The following TBX2 variants were observed in gnomAD, a reference collection of about 807,000 sequenced individuals.
TBX2 encodes T-box transcription factor TBX2.
TBX2 carries 19 observed loss-of-function variants against 48.4 expected under a neutral mutation model. The ratio of observed to expected loss-of-function variants is 0.39; its 90% CI spans 0.27 to 0.58. The LOEUF (loss-of-function observed/expected upper bound fraction) is 0.58, where lower values mean the gene tolerates loss of function less well. TBX2 is among the 20% of genes least tolerant of loss of function. TBX2 has a pLI of 0.54. For synonymous variants in TBX2, 522 were observed against 459.7 expected (o/e 1.14, Z -1.73); for missense variants, 994 against 1,006.5 (o/e 0.99, Z 0.17).
Position 61,404,684 on chromosome 17 carries a change from C to T in TBX2, c.966C>T (p.Ala322=), listed in dbSNP as rs1021770653. ...KPERDGAESD[A]SSCDPPPARE... ...AGCGCGATGGCGCGGAGTCAGACGC[C>T]TCGTCGTGCGACCCTCCCCCCGCGC... The change falls in exon 5 of 7, where the codon GCC becomes GCT. Residue 322 remains alanine (A), a synonymous_variant. Coordinates refer to ENST00000240328, the MANE Select transcript of TBX2 (RefSeq NM_005994.4). 4 of 1,582,866 alleles carry T rather than the reference C, an allele frequency of 2.5e-6. No homozygotes were observed. The South Asian group carries it at 3.4e-5, about 14-fold the overall frequency.
At position 61,409,267 on chromosome 17, in the gene TBX2, G is replaced by A. The variant is rs903005704; in HGVS notation, c.*761G>A. ...CATCTATATTGTACAGGGCTGGGGG[G>A]GCCCTTGGCTGCGGGAGAAGGCCCA... On this transcript the variant is annotated 3_prime_UTR_variant, in exon 7 of 7. Coordinates refer to ENST00000240328, the MANE Select transcript of TBX2 (RefSeq NM_005994.4). 2 of 152,368 alleles carry A rather than the reference G, an allele frequency of 1.3e-5. No homozygotes were observed. The highest frequency in any genetic ancestry group is 2.9e-5 in the Non-Finnish European group (2 of 68,002). 9.4% of individuals were successfully genotyped at this position (152,368 alleles called of 1,614,324 possible).
rs139006612 is a variant in TBX2 at position 61,408,188 on chromosome 17, C to T, written c.1821C>T (p.Ser607=). The change falls in exon 7 of 7, where the codon TCC becomes TCT. Residue 607 remains serine (S), a synonymous_variant. Transcript: ENST00000240328. ...CCGCCGCAGCCGCCGGCTCCCTCTC[C>T]CGGAGCCCCTTCCTGGGCAGTGCCC... ...AAAAAAAGSL[S]RSPFLGSARP... is the part of the protein sequence containing the mutation. The T allele has an allele frequency of 1.9e-6, 3 of 1,612,746 alleles. No individual in the cohort carries two copies. The African/African-American group carries it at 4.0e-5, about 22-fold the overall frequency.
At chr17:61,404,385 C>A in intron 3 of TBX2, 36 bp from the exon 4 acceptor site, 1 of 1,572,322 alleles carries the variant, frequency 6.4e-7, no homozygotes, top group South Asian at 1.2e-5. Context: ...GGAAGAGCCA[C>A]GGCCTGACTT....
In TBX2 at chr17:61,404,801, G is replaced by T. The variant is rs778451863; in HGVS notation, c.1051+32G>T. 6.0e-6 allele frequency: 9 copies of T among 1,488,010 alleles called. No individual in the cohort carries two copies. In the South Asian group the frequency reaches 7.2e-5, roughly 12 times the overall value. The allele number at this position is 1,488,010 out of a possible 1,614,324, so 92.2% of individuals were successfully genotyped here. A position where few individuals can be genotyped will look rare whatever the true frequency, so the allele number is the denominator to read the frequency against. On this transcript the variant is annotated intron_variant, in intron 5 of 6. Coordinates refer to ENST00000240328, the MANE Select transcript of TBX2 (RefSeq NM_005994.4). ...GTCGGACCGGAGGAGGGACAGGGAG[G>T]TGGCGGCGGGGGGTCCTCAGGTCGC... is the stretch of plus-strand genomic sequence containing the variant.
rs1269330478 is a variant in TBX2 at position 61,401,789 on chromosome 17, C to T, written c.501C>T (p.Phe167=). Residue 167 remains phenylalanine (F), a synonymous_variant, in exon 2 of 7, where the codon TTC becomes TTT. Coordinates refer to ENST00000240328, the MANE Select transcript of TBX2 (RefSeq NM_005994.4). Reference sequence around the variant, plus strand: ...CCGCTGACGATTGCCGCTATAAGTTCCACAACTCGCGCTGGATGGTGGCGG... The same window carrying T: ...CCGCTGACGATTGCCGCTATAAGTTTCACAACTCGCGCTGGATGGTGGCGG... ...IVAADDCRYK[F]HNSRWMVAGK... 58 of 1,613,170 alleles carry T rather than the reference C, an allele frequency of 3.6e-5. No individual in the cohort carries two copies. The highest frequency in any genetic ancestry group is 4.7e-5 in the Non-Finnish European group (56 of 1,180,022).
At chr17:61,401,651 C>A in intron 1 of TBX2, 33 bp from the exon 2 acceptor site, 1 of 1,594,320 alleles carries the variant, frequency 6.3e-7, no homozygotes, top group Non-Finnish European at 8.6e-7. Flanking sequence ...ACAGCCGGTT[C>A]CAATGGGATC....
At chr17:61,407,905 A>G in intron 6 of TBX2, 149 bp from the exon 7 acceptor site, 1 of 1,029,726 alleles carries the variant, frequency 9.7e-7, no homozygotes, top group Non-Finnish European at 1.4e-6. Flanking sequence ...GCTCATGCTT[A>G]CCTGTGCTGC....
chr17:61,400,462 G>A lies in TBX2; in HGVS notation c.286G>A (p.Glu96Lys). 1 of 1,598,830 alleles carries A rather than the reference G, an allele frequency of 6.3e-7. No individual in the cohort carries two copies. The highest frequency in any genetic ancestry group is 2.2e-5 in the East Asian group (1 of 44,462). ...AAHLRSLKSL[E>K]PEDEVEDDPK... ...GCATCTGCGCTCCCTCAAGAGCCTGGAGCCCGAGGACGAGGTGGAGGACGA... is the reference window on the plus strand; with the variant it reads ...GCATCTGCGCTCCCTCAAGAGCCTGAAGCCCGAGGACGAGGTGGAGGACGA... The change falls in exon 1 of 7, where the codon GAG (glutamate) becomes AAG (lysine). Residue 96 changes from glutamate (E) to lysine (K), a missense_variant. Physicochemically the swap from Glu to Lys is moderately conservative, Grantham distance 56. Transcript: ENST00000240328. This position sits in a 1 kb window ranked among gnomAD's most constrained non-coding sequence, Gnocchi z 9.2.
Position 61,405,426 on chromosome 17 carries a change from C to A in TBX2, c.1276C>A (p.Arg426Ser), listed in dbSNP as rs1401962009. 9 of 1,553,186 alleles carry A rather than the reference C, an allele frequency of 5.8e-6. No homozygotes were observed. The Admixed American group carries it at 1.4e-4, about 23-fold the overall frequency. The change falls in exon 6 of 7, where the codon CGC (arginine) becomes AGC (serine). Residue 426 changes from arginine (R) to serine (S), a missense_variant. This residue lies in a region of TBX2 where 639 missense variants were observed against 613.2 expected (regional missense o/e 1.04). Coordinates refer to ENST00000240328, the MANE Select transcript of TBX2 (RefSeq NM_005994.4). ...PFGLRSLEKE[R>S]AEARRKDEGR... ...CGGCCTGAGGAGCCTGGAGAAGGAG[C>A]GCGCCGAAGCTCGGAGGAAGGACGA...
In TBX2 at chr17:61,400,545, G is replaced by T; in HGVS notation, c.369G>T (p.Thr123=). 6.4e-7 allele frequency: 1 copy of T among 1,574,468 alleles called. No homozygotes were observed. The highest frequency in any genetic ancestry group is 2.3e-5 in the East Asian group (1 of 43,302). ...GGGACCAGTTCCACAAGCTAGGCAC[G>T]GAGATGGTCATCACCAAGTCCGGGA... ...ELWDQFHKLG[T]EMVITKSGRR... The change falls in exon 1 of 7, where the codon ACG becomes ACT. Residue 123 remains threonine, a synonymous_variant. Transcript: ENST00000240328. This position sits in a 1 kb window ranked among gnomAD's most constrained non-coding sequence, Gnocchi z 9.2.
chr17:61,405,206 G>A lies in TBX2; in HGVS notation c.1056G>A (p.Glu352=), dbSNP rs373257450. The change falls in exon 6 of 7, where the codon GAG becomes GAA. Residue 352 remains glutamate, a synonymous_variant. Coordinates refer to ENST00000240328, the MANE Select transcript of TBX2 (RefSeq NM_005994.4). ...SPLRLHRARA[E]EKSCAADSDP... is the part of the protein sequence containing the mutation. ...CCGCGCGCCCTCTCCCCGCAGCTGA[G>A]GAGAAGTCGTGCGCCGCGGACAGCG... 248 of 1,533,534 alleles carry A rather than the reference G, an allele frequency of 1.6e-4. 1 individual carries two copies. The African/African-American group carries it at 3.1e-3, about 19-fold the overall frequency. The allele number at this position is 1,533,534 out of a possible 1,614,324, so 95.0% of individuals were successfully genotyped here.
At chr17:61,407,901 G>A in intron 6 of TBX2, 153 bp from the exon 7 acceptor site, 2 of 996,988 alleles carry the variant, frequency 2.0e-6, no homozygotes, top group Non-Finnish European at 2.9e-6. Context: ...ACTGGCTCAT[G>A]CTTACCTGTG....
At position 61,400,425 on chromosome 17, in the gene TBX2, C is replaced by G; in HGVS notation, c.249C>G (p.His83Gln). The stretch of plus-strand genomic sequence containing the variant: ...TGCACGTCTCGGCACTGGGCCCGCA[C>G]CCGCCCGCCGCGCATCTGCGCTCCC... ...AGLHVSALGP[H>Q]PPAAHLRSLK... Residue 83 changes from histidine to glutamine, a missense_variant, in exon 1 of 7, where the codon CAC becomes CAG. Physicochemically the swap from His to Gln is conservative, Grantham distance 24. Transcript: ENST00000240328. The surrounding 1 kb of genome is among the most constrained non-coding windows in gnomAD (Gnocchi z 9.2). 3 of 1,556,694 alleles carry G rather than the reference C, an allele frequency of 1.9e-6. No homozygotes were observed. The highest frequency in any genetic ancestry group is 2.6e-6 in the Non-Finnish European group (3 of 1,153,462).
At position 61,400,893 on chromosome 17, in the gene TBX2, C is replaced by G. The variant is rs896408518; in HGVS notation, c.395+322C>G. On this transcript the variant is annotated intron_variant, in intron 1 of 6. Transcript: ENST00000240328. This position sits in a 1 kb window ranked among gnomAD's most constrained non-coding sequence, Gnocchi z 9.2. ...TTGGCCCTGGCGGTCTCCTCCGCCC[C>G]GCGCTCTCGCTCTTCTGCGTCCGGG... Among the ~76,000 whole-genome samples the G allele has an allele frequency of 2.0e-5, 3 of 152,238 alleles. No homozygotes were observed. Among genetic ancestry groups the G allele is most frequent in the South Asian group, 2.1e-4 (1 of 4,836 alleles).
At chr17:61,402,360 G>A (rs1245926120) in intron 2 of TBX2, among the ~76,000 whole-genome samples, 1 of 152,156 alleles carries the variant, frequency 6.6e-6, no homozygotes, top group East Asian at 1.9e-4. Context: ...GCCAAGACCC[G>A]CGTCCCTGGC....
rs759795868 is a variant in TBX2 at position 61,400,611 on chromosome 17, G to A, written c.395+40G>A. Reference sequence around the variant, plus strand: ...CGGCTGGAAGGCGCGCGGGCGGGCGGGCGGGCTGGGGCACGGGACTGCACG... The same window carrying A: ...CGGCTGGAAGGCGCGCGGGCGGGCGAGCGGGCTGGGGCACGGGACTGCACG... On this transcript the variant is annotated intron_variant, in intron 1 of 6. Coordinates refer to ENST00000240328, the MANE Select transcript of TBX2 (RefSeq NM_005994.4). This position sits in a 1 kb window ranked among gnomAD's most constrained non-coding sequence, Gnocchi z 9.2. 20 of 1,520,698 alleles carry A rather than the reference G, an allele frequency of 1.3e-5. 1 individual carries two copies. In the South Asian group the frequency reaches 2.3e-4, roughly 17 times the overall value. 94.2% of individuals were successfully genotyped at this position (1,520,698 alleles called of 1,614,324 possible).
At position 61,403,829 on chromosome 17, in the gene TBX2, C is replaced by T. The variant is rs555298158; in HGVS notation, c.811-592C>T. 5.0e-4 allele frequency among the ~76,000 whole-genome samples: 76 copies of T among 152,150 alleles called. No individual in the cohort carries two copies. The highest frequency in any genetic ancestry group is 1.8e-3 in the African/African-American group (73 of 41,516). ...ACCCCTCTAGGCCTGTGCCCTTGTG[C>T]GCCACTGTCGAGTGAAAGAGAGGGT... On this transcript the variant is annotated intron_variant, in intron 3 of 6. Coordinates refer to ENST00000240328, the MANE Select transcript of TBX2 (RefSeq NM_005994.4). This position sits in a 1 kb window ranked among gnomAD's most constrained non-coding sequence, Gnocchi z 5.8.
chr17:61,408,149 T>C lies in TBX2; in HGVS notation c.1782T>C (p.Ser594=), dbSNP rs778544171. The C allele has an allele frequency of 7.4e-6, 12 of 1,611,604 alleles. No individual in the cohort carries two copies. In the South Asian group the frequency reaches 1.3e-4, roughly 18 times the overall value. Residue 594 remains serine (S), a synonymous_variant, in exon 7 of 7, where the codon AGT becomes AGC. Coordinates refer to ENST00000240328, the MANE Select transcript of TBX2 (RefSeq NM_005994.4). ...AAAASALPAT[S]AAAAAAAAAG... is the part of the protein sequence containing the mutation. ...CCGCCTCGGCTTTGCCCGCCACTAG[T>C]GCTGCAGCTGCCGCCGCCGCAGCCG...
In TBX2 at chr17:61,406,284, GAGA is replaced by G. The variant is rs1488507042; in HGVS notation, c.1686+451_1686+453del. 1 of 159,566 alleles carries G rather than the reference GAGA, an allele frequency of 6.3e-6. No individual in the cohort carries two copies. Among genetic ancestry groups the G allele is most frequent in the Non-Finnish European group, 1.4e-5 (1 of 73,300 alleles). 9.9% of individuals were successfully genotyped at this position (159,566 alleles called of 1,614,324 possible). On this transcript the variant is annotated intron_variant, in intron 6 of 6. Coordinates refer to ENST00000240328, the MANE Select transcript of TBX2 (RefSeq NM_005994.4). This position sits in a 1 kb window ranked among gnomAD's most constrained non-coding sequence, Gnocchi z 5.7. ...GCTAAGGTGGCCAGACAGACAAAGGGAGAAGGAACATTTGCATTATTTTCTGGA... is the reference window on the plus strand; with the variant it reads ...GCTAAGGTGGCCAGACAGACAAAGGGAGGAACATTTGCATTATTTTCTGGA...
Sources: gnomAD v4.1 joint callset for allele counts (sites outside exome capture counted in the v4.1 genomes callset) on GRCh38, gnomAD v4.1.1 for gene constraint, gnomAD v4.1.1 regional missense constraint, Gnocchi (gnomAD v3.1) non-coding constraint, MANE v1.5 for transcripts, NCBI Gene and HGNC (gene_info 2026-07-23, HGNC 2026-07-21) for gene names.